RIMS1: variants seen among roughly 807,000 people sequenced by gnomAD.
The protein encoded by RIMS1 is regulating synaptic membrane exocytosis protein 1.
RIMS1 carries 83 observed loss-of-function variants against 214.1 expected under a neutral mutation model. That is an observed-to-expected ratio of 0.39 (90% CI 0.32 to 0.47). The LOEUF is 0.47. Among genes scored for constraint, RIMS1 ranks in the 20% least tolerant of loss-of-function variants. The pLI, the probability that RIMS1 is intolerant of heterozygous loss-of-function variation, is 0.99. For missense variants in RIMS1, 2,050 were observed against 2,161.8 expected, an observed-to-expected ratio of 0.95 and a Z score of 1.03; for synonymous variants, 793 against 786.8, an observed-to-expected ratio of 1.01 and a Z score of -0.13.
intron 6 of RIMS1, among the ~76,000 whole-genome samples, chr6:72,223,947 CAAAAAAAA>C (rs34645921): frequency 9.4e-6 from 1 of 105,950 alleles, no homozygotes; most frequent in Non-Finnish European, 1.9e-5. Flanking sequence ...GACTCCGTCT[CAAAAAAAA>C]AAAAAAAAAA....
intron 3 of RIMS1, 71 bp downstream of exon 3, chr6:72,097,233 A>T (rs2032033035): frequency 1.4e-5 from 18 of 1,315,134 alleles, no homozygotes; most frequent in Non-Finnish European, 2.0e-5. Flanking sequence ...AAACATGAGA[A>T]CACGTGCATC....
intron 29 of RIMS1, chr6:72,365,871 C>T (rs929748910): frequency 2.0e-5 from 3 of 152,186 alleles, no homozygotes. Context: ...ATAAAAAGAG[C>T]TTAAAGAGCT....
At chr6:72,188,658 C>G (rs1038297449) in intron 6 of RIMS1, among the ~76,000 whole-genome samples, 20 of 152,176 alleles carry the variant, frequency 1.3e-4, no homozygotes, top group Non-Finnish European at 2.5e-4. Context: ...TCTGCAAGCA[C>G]CTCAGCAGTT....
intron 1 of RIMS1, among the ~76,000 whole-genome samples, chr6:71,933,611 G>A (rs1783687626): frequency 6.6e-6 from 1 of 151,802 alleles, no homozygotes; most frequent in Admixed American, 6.6e-5. Flanking sequence ...GCAGAGAGAA[G>A]AGATGGTGTG....
At chr6:72,237,997 G>T (rs913570535) in intron 9 of RIMS1, 75 bp downstream of exon 9, 23 of 1,034,240 alleles carry the variant, frequency 2.2e-5, no homozygotes, top group African/African-American at 3.2e-5. Flanking sequence ...TTCAATTTGG[G>T]GTTAGTTTTA....
intron 24 of RIMS1, among the ~76,000 whole-genome samples, chr6:72,284,940 A>G (rs879075229): frequency 1.3e-5 from 2 of 152,218 alleles, no homozygotes; most frequent in Non-Finnish European, 2.9e-5. Context: ...ATCCAGATAC[A>G]TAAAAGTATG....
At chr6:72,031,221 A>T (rs1818021417) in intron 2 of RIMS1, among the ~76,000 whole-genome samples, 1 of 152,174 alleles carries the variant, frequency 6.6e-6, no homozygotes, top group Admixed American at 6.6e-5. Context: ...CTACATTAAA[A>T]GAAGTGCTAA....
chr6:72,331,426 A>C (rs559962755), intron 28 of RIMS1, among the ~76,000 whole-genome samples: 26 of 151,900 alleles, frequency 1.7e-4, no homozygotes, highest in African/African-American at 6.0e-4. Context: ...GAGATGAGAA[A>C]CCACTGCTTT....
chr6:72,282,158 C>T (rs1253790928), intron 23 of RIMS1, among the ~76,000 whole-genome samples: 1 of 152,110 alleles, frequency 6.6e-6, no homozygotes, highest in Non-Finnish European at 1.5e-5. Flanking sequence ...ATCTTCCAGT[C>T]AGTTGCCTTG....
At chr6:72,233,956 T>A in intron 7 of RIMS1, 116 bp downstream of exon 7, 1 of 676,078 alleles carries the variant, frequency 1.5e-6, no homozygotes, top group Non-Finnish European at 2.6e-6. Flanking sequence ...AAATATTGAT[T>A]TCATTTAAGA....
At chr6:72,261,578 T>C (rs2078029402) in intron 19 of RIMS1, 1 of 963,766 alleles carries the variant, frequency 1.0e-6, no homozygotes, top group African/African-American at 1.8e-5. Context: ...AAGGAAGTAG[T>C]AAGTCAGTGA....
At chr6:72,390,963 A>G (rs2098692620) in intron 30 of RIMS1, 3 of 408,514 alleles carry the variant, frequency 7.3e-6, no homozygotes, top group African/African-American at 6.1e-5. Flanking sequence ...GTCCACATGA[A>G]CAAATTGATT....
At chr6:72,274,515 G>T (rs1342063318) in intron 23 of RIMS1, 83 bp downstream of exon 23, 2 of 1,043,714 alleles carry the variant, frequency 1.9e-6, no homozygotes, top group East Asian at 4.9e-5. Flanking sequence ...GAGAAAAGTT[G>T]AATATGATGT....
At chr6:72,086,439 C>T (rs1354622853) in intron 2 of RIMS1, among the ~76,000 whole-genome samples, 1 of 152,110 alleles carries the variant, frequency 6.6e-6, no homozygotes, top group Non-Finnish European at 1.5e-5. Context: ...GCTGTAAAAG[C>T]GATTTCATCT....
At chr6:72,136,582 C>G (rs1389522574) in intron 4 of RIMS1, among the ~76,000 whole-genome samples, 2 of 152,000 alleles carry the variant, frequency 1.3e-5, no homozygotes, top group African/African-American at 4.8e-5. Context: ...GCAAAGTTAA[C>G]AAATTTTTGG....
At chr6:72,250,865 C>A in intron 13 of RIMS1, 56 bp from the exon 14 acceptor site, 1 of 941,742 alleles carries the variant, frequency 1.1e-6, no homozygotes, top group Non-Finnish European at 1.6e-6. Flanking sequence ...CATGTAACTA[C>A]AGTAGATGGC....
At chr6:71,911,829 G>C (rs576054545) in intron 1 of RIMS1, among the ~76,000 whole-genome samples, 37 of 152,048 alleles carry the variant, frequency 2.4e-4, no homozygotes, top group Non-Finnish European at 5.3e-4. Context: ...ACATATTTCA[G>C]GTCTTGAAGG....
chr6:72,000,277 C>T (rs1804748853), intron 2 of RIMS1, among the ~76,000 whole-genome samples: 1 of 152,020 alleles, frequency 6.6e-6, no homozygotes, highest in South Asian at 2.1e-4. Flanking sequence ...AAAATAACAA[C>T]CCAAATTTTC....
At chr6:72,381,486 C>T (rs527345226) in intron 29 of RIMS1, among the ~76,000 whole-genome samples, 11 of 152,306 alleles carry the variant, frequency 7.2e-5, no homozygotes, top group Non-Finnish European at 1.0e-4. Context: ...GGATGTTTCC[C>T]GCTCTCTTAT....
Sources: allele counts gnomAD v4.1 joint callset (sites outside exome capture counted in the v4.1 genomes callset), GRCh38; gene constraint gnomAD v4.1.1; transcripts MANE v1.5; gene names NCBI Gene and HGNC (gene_info 2026-07-23, HGNC 2026-07-21).